COL18A1: variants seen among roughly 807,000 people sequenced by gnomAD.
COL18A1 encodes collagen type XVIII alpha 1 chain.
Under a neutral mutation model 168.0 loss-of-function variants are expected in COL18A1, and 133 were observed. The ratio of observed to expected loss-of-function variants is 0.79; its 90% CI spans 0.69 to 0.91. COL18A1 has a LOEUF of 0.91. Ranked by LOEUF, COL18A1 falls within the 40% of genes least tolerant of loss-of-function variation. The pLI is 0.00. For synonymous variants in COL18A1, 949 were observed against 809.0 expected (o/e 1.17, Z -2.94); for missense variants, 2,126 against 1,925.4 (o/e 1.10, Z -1.95).
intron 37 of COL18A1, chr21:45,506,704 C>G: frequency 6.1e-6 from 1 of 164,870 alleles, no homozygotes. Context: ...AGCCCTGACT[C>G]CTGGAGCCCT....
At chr21:45,461,932 C>T (rs1204389549) in intron 2 of COL18A1, among the ~76,000 whole-genome samples, 1 of 152,218 alleles carries the variant, frequency 6.6e-6, no homozygotes, top group African/African-American at 2.4e-5. Flanking sequence ...ACTCCCTGGA[C>T]CATTTTCTGC....
chr21:45,494,235 G>A (rs2036454993), intron 26 of COL18A1: 8 of 476,712 alleles, frequency 1.7e-5, no homozygotes, highest in African/African-American at 4.7e-5. Context: ...AGGACACTGC[G>A]TGGCACATGC....
In COL18A1 at chr21:45,455,894, C is replaced by T. The variant is rs780835386; in HGVS notation, c.107-12348C>T. 111 of 1,612,962 alleles carry T rather than the reference C, an allele frequency of 6.9e-5. No homozygotes were observed. The highest frequency in any genetic ancestry group is 6.6e-4 in the South Asian group (60 of 91,094). ...GATCCTGAACGTGGCCAAAGGCATC[C>T]GGAGCTTCGTCCAGCTGTGGAATGA... On this transcript the variant is annotated intron_variant, in intron 2 of 41. Coordinates refer to ENST00000651438, the MANE Select transcript of COL18A1 (RefSeq NM_001379500.1).
Position 45,505,294 on chromosome 21 carries a change from G to A in COL18A1, c.3013+16G>A, listed in dbSNP as rs765445125. 2.1e-5 allele frequency: 34 copies of A among 1,607,024 alleles called. No homozygotes were observed. In the East Asian group the frequency reaches 7.1e-4, roughly 34 times the overall value. On this transcript the variant is annotated intron_variant, in intron 35 of 41. Coordinates refer to ENST00000651438, the MANE Select transcript of COL18A1 (RefSeq NM_001379500.1). ...CACAGGCAGAGTAAGTCAGTGGGGA[G>A]TGGGCCCCGGGCAGAGGCCGCCTCG...
intron 30 of COL18A1, 48 bp downstream of exon 30, chr21:45,496,616 C>T: frequency 2.3e-6 from 2 of 863,684 alleles, no homozygotes; most frequent in South Asian, 1.3e-5. Flanking sequence ...TTGGCTGTCA[C>T]ACAGAGCCCC....
intron 2 of COL18A1, among the ~76,000 whole-genome samples, chr21:45,432,758 TGTGGGTCA>T (rs1384476455): frequency 6.6e-6 from 1 of 152,230 alleles, no homozygotes; most frequent in Non-Finnish European, 1.5e-5. Context: ...CACGTGGCTC[TGTGGGTCA>T]GGGTGGGACA....
chr21:45,455,036 A>G (rs2034747172), intron 2 of COL18A1, among the ~76,000 whole-genome samples: 1 of 152,248 alleles, frequency 6.6e-6, no homozygotes, highest in Admixed American at 6.5e-5. Context: ...TGGAATTGGC[A>G]CTGCAGCAAG....
intron 2 of COL18A1, chr21:45,421,510 C>A (rs145498963): frequency 5.0e-4 from 265 of 534,634 alleles, no homozygotes; most frequent in African/African-American, 4.5e-3. Context: ...AGGCTCCACG[C>A]GGGTCAGCAG....
chr21:45,482,349 C>T, intron 14 of COL18A1: 1 of 679,476 alleles, frequency 1.5e-6, no homozygotes, highest in Non-Finnish European at 2.7e-6. Flanking sequence ...ACGCAAGGAG[C>T]CGGGGCCCCA....
In COL18A1 at chr21:45,457,058, C is replaced by A. The variant is rs997086995; in HGVS notation, c.107-11184C>A. Among the ~76,000 whole-genome samples the A allele has an allele frequency of 6.6e-6, 1 of 152,122 alleles. No individual in the cohort carries two copies. Among genetic ancestry groups the A allele is most frequent in the Non-Finnish European group, 1.5e-5 (1 of 68,010 alleles). On this transcript the variant is annotated intron_variant, in intron 2 of 41. Coordinates refer to ENST00000651438, the MANE Select transcript of COL18A1 (RefSeq NM_001379500.1). This position sits in a 1 kb window ranked among gnomAD's most constrained non-coding sequence, Gnocchi z 4.6. ...TGAGGCCTCCTGTGTGGGGAGGAGGCCGGCGTCTGGACAGGAAGAGGGCTG... is the reference window on the plus strand; with the variant it reads ...TGAGGCCTCCTGTGTGGGGAGGAGGACGGCGTCTGGACAGGAAGAGGGCTG...
intron 13 of COL18A1, 139 bp downstream of exon 13, chr21:45,480,997 G>A (rs1010455696): frequency 1.4e-5 from 19 of 1,328,712 alleles, no homozygotes; most frequent in Admixed American, 8.1e-5. Flanking sequence ...AGGAGCTGGC[G>A]GGCAGTTGCT....
chr21:45,451,344 C>A (rs1341919348), intron 2 of COL18A1, among the ~76,000 whole-genome samples: 1 of 152,224 alleles, frequency 6.6e-6, no homozygotes, highest in African/African-American at 2.4e-5. Context: ...TGATGTGCAA[C>A]CCAGCAGCTG....
At chr21:45,505,019 T>A (rs2037106327) in intron 34 of COL18A1, 115 bp from the exon 35 acceptor site, 1 of 1,355,012 alleles carries the variant, frequency 7.4e-7, no homozygotes, top group Non-Finnish European at 1.0e-6. Flanking sequence ...AGGGGACCGG[T>A]GACTCAGAGG....
chr21:45,427,748 T>C (rs1481168364), intron 2 of COL18A1, among the ~76,000 whole-genome samples: 2 of 152,196 alleles, frequency 1.3e-5, no homozygotes, highest in African/African-American at 2.4e-5. Context: ...CGAGCATTCA[T>C]GCTGGTCGCC....
chr21:45,413,056 A>G (rs1048940936), intron 2 of COL18A1, among the ~76,000 whole-genome samples: 1 of 152,078 alleles, frequency 6.6e-6, no homozygotes. Context: ...GACATCACAC[A>G]TCGGCTTCCT....
rs2033682789 is a variant in COL18A1, at chr21:45,423,288, C to T, written c.106+17815C>T. 6.6e-6 allele frequency among the ~76,000 whole-genome samples: 1 copy of T among 152,206 alleles called. No homozygotes were observed. Among genetic ancestry groups the T allele is most frequent in the South Asian group, 2.1e-4 (1 of 4,838 alleles). On this transcript the variant is annotated intron_variant, in intron 2 of 41. Coordinates refer to ENST00000651438, the MANE Select transcript of COL18A1 (RefSeq NM_001379500.1). The surrounding 1 kb of genome is among the most constrained non-coding windows in gnomAD (Gnocchi z 4.0). ...TCCCGCGTGTTGGCCGGTCTGGTCCCTGAGTGTTGGCTGGTCCACTTCCTG... is the reference window on the plus strand; with the variant it reads ...TCCCGCGTGTTGGCCGGTCTGGTCCTTGAGTGTTGGCTGGTCCACTTCCTG...
chr21:45,448,861 C>T (rs369594865), intron 2 of COL18A1, among the ~76,000 whole-genome samples: 6 of 152,198 alleles, frequency 3.9e-5, no homozygotes, highest in Admixed American at 1.3e-4. Context: ...CAGCCCTGCC[C>T]GCCCCCGCTG....
rs766459944 is a variant in COL18A1 at position 45,475,497 on chromosome 21, G to A, written c.760G>A (p.Gly254Arg). The A allele has an allele frequency of 2.3e-5, 37 of 1,606,404 alleles. No individual in the cohort carries two copies. The highest frequency in any genetic ancestry group is 2.7e-5 in the Non-Finnish European group (32 of 1,178,086). ...SDGASGDSGS[G>R]LGDARELLRE... ...TCAGGCATCCGGAGACTCTGGCAGC[G>A]GGCTCGGGGACGCCCGGGAGCTTCT... Residue 254 changes from glycine to arginine, a missense_variant, in exon 5 of 42, where the codon GGG becomes AGG. Physicochemically the swap from Gly to Arg is moderately radical, Grantham distance 125. Transcript: ENST00000651438.
rs540180784 is a variant in COL18A1 at position 45,486,588 on chromosome 21, C to G, written c.1702-273C>G. ...ACGAGGGTGCCCTGTGCACCTCCCG[C>G]TGTGCATGTGGGCCTCCCCCTGTGC... On this transcript the variant is annotated intron_variant, in intron 15 of 41. Coordinates refer to ENST00000651438, the MANE Select transcript of COL18A1 (RefSeq NM_001379500.1). Among the ~76,000 whole-genome samples, 4 of 152,318 alleles carry G rather than the reference C, an allele frequency of 2.6e-5. No individual in the cohort carries two copies. In the East Asian group the frequency reaches 5.8e-4, roughly 22 times the overall value.
Sources: gnomAD v4.1 joint callset for allele counts (sites outside exome capture counted in the v4.1 genomes callset) on GRCh38, gnomAD v4.1.1 for gene constraint, Gnocchi (gnomAD v3.1) non-coding constraint, MANE v1.5 for transcripts, NCBI Gene and HGNC (gene_info 2026-07-23, HGNC 2026-07-21) for gene names.